The following SLCO4C1 variants were observed in gnomAD, a reference collection of about 807,000 sequenced individuals.
SLCO4C1 encodes solute carrier organic anion transporter family member 4C1.
Under a neutral mutation model 72.1 loss-of-function variants are expected in SLCO4C1, and 58 were observed. The observed-to-expected ratio is 0.80, with a 90% confidence interval of 0.65 to 1.00. The LOEUF (loss-of-function observed/expected upper bound fraction) is 1.00, where lower values mean the gene tolerates loss of function less well. Among genes scored for constraint, SLCO4C1 ranks in the 50% least tolerant of loss-of-function variants. The pLI is 0.00. For missense variants in SLCO4C1, 898 were observed against 857.9 expected, an observed-to-expected ratio of 1.05 and a Z score of -0.58; for synonymous variants, 297 against 312.5, an observed-to-expected ratio of 0.95 and a Z score of 0.52.
At position 102,270,640 on chromosome 5, in the gene SLCO4C1, CTT is replaced by C; in HGVS notation, c.784_785del (p.Lys262ValfsTer32). 1 of 1,611,036 alleles carries C rather than the reference CTT, an allele frequency of 6.2e-7. No individual in the cohort carries two copies. On this transcript the variant is annotated frameshift_variant, in exon 3 of 13. Coordinates refer to ENST00000310954, the MANE Select transcript of SLCO4C1 (RefSeq NM_180991.5). LOFTEE classifies it high-confidence loss of function. ...AFLDDSVPTH[K>X]SSLYIGTGYA... Reference sequence around the variant, plus strand: ...TAAACTTACCTATATAGAGAGAAGACTTGTGTGTGGGCACAGAATCATCAAGA... The same window carrying C: ...TAAACTTACCTATATAGAGAGAAGACGTGTGTGGGCACAGAATCATCAAGA...
At chr5:102,280,383 A>T (rs1362534197) in intron 2 of SLCO4C1, among the ~76,000 whole-genome samples, 1 of 152,036 alleles carries the variant, frequency 6.6e-6, no homozygotes, top group Non-Finnish European at 1.5e-5. Flanking sequence ...AGAAATACTT[A>T]GATGTTAATC....
At chr5:102,291,232 A>C in intron 2 of SLCO4C1, 111 bp downstream of exon 2, 8 of 1,098,084 alleles carry the variant, frequency 7.3e-6, no homozygotes, top group Non-Finnish European at 1.1e-5. Context: ...GAGGTGTGGA[A>C]GAGATGTAAA....
intron 12 of SLCO4C1, among the ~76,000 whole-genome samples, chr5:102,237,579 T>C (rs2112329849): frequency 6.6e-6 from 1 of 152,220 alleles, no homozygotes; most frequent in East Asian, 1.9e-4. Flanking sequence ...ACCACTGCAC[T>C]CCAGCCTGGG....
At chr5:102,253,075 A>C (rs1449430460) in intron 8 of SLCO4C1, among the ~76,000 whole-genome samples, 2 of 152,150 alleles carry the variant, frequency 1.3e-5, no homozygotes, top group Non-Finnish European at 2.9e-5. Context: ...TATTTCATAT[A>C]ATCAATAAAA....
At chr5:102,270,829 A>T in intron 2 of SLCO4C1, 23 bp from the exon 3 acceptor site, 1 of 1,514,668 alleles carries the variant, frequency 6.6e-7, no homozygotes, top group Non-Finnish European at 8.9e-7. Context: ...AAAAATTGTG[A>T]ATTTATAGAA....
rs140169134 is a variant in SLCO4C1, at chr5:102,254,135, C to T, written c.1469+2980G>A. Among the ~76,000 whole-genome samples, 22 of 152,228 alleles carry T rather than the reference C, an allele frequency of 1.4e-4. No individual in the cohort carries two copies. The East Asian group carries it at 4.3e-3, about 29-fold the overall frequency. On this transcript the variant is annotated intron_variant, in intron 8 of 12. Coordinates refer to ENST00000310954, the MANE Select transcript of SLCO4C1 (RefSeq NM_180991.5). ...TCTTTGCACCCCTCTACTAGAAACCCTACATCCTCAGAACCTCTTCTGTCT... is the reference window on the plus strand; with the variant it reads ...TCTTTGCACCCCTCTACTAGAAACCTTACATCCTCAGAACCTCTTCTGTCT...
chr5:102,287,393 G>A (rs879188606), intron 2 of SLCO4C1, among the ~76,000 whole-genome samples: 1 of 152,030 alleles, frequency 6.6e-6, no homozygotes, highest in Non-Finnish European at 1.5e-5. Context: ...AACTTAGTAT[G>A]AGTAATAAGC....
intron 8 of SLCO4C1, among the ~76,000 whole-genome samples, chr5:102,255,427 A>T: frequency 6.6e-6 from 1 of 152,194 alleles, no homozygotes; most frequent in East Asian, 1.9e-4. Flanking sequence ...AAAGGAACAT[A>T]CAAAAAATGT....
chr5:102,292,003 T>C (rs1287156265), intron 1 of SLCO4C1, among the ~76,000 whole-genome samples: 1 of 151,962 alleles, frequency 6.6e-6, no homozygotes, highest in Non-Finnish European at 1.5e-5. Context: ...TTGTATCTTG[T>C]TAGTAGAGAT....
Position 102,249,837 on chromosome 5 carries a change from A to G in SLCO4C1, c.1470-49T>C, listed in dbSNP as rs532951716. 1.4e-4 allele frequency: 225 copies of G among 1,583,212 alleles called. 1 individual carries two copies. The South Asian group carries it at 2.4e-3, about 17-fold the overall frequency. ...GGTAAATGATCTGTCATAACTTTTA[A>G]CTAACAATTTCGAAGCACTGTTATA... is the stretch of plus-strand genomic sequence containing the variant. On this transcript the variant is annotated intron_variant, in intron 8 of 12. Coordinates refer to ENST00000310954, the MANE Select transcript of SLCO4C1 (RefSeq NM_180991.5).
At chr5:102,246,545 T>A (rs972237408) in intron 10 of SLCO4C1, among the ~76,000 whole-genome samples, 1 of 152,074 alleles carries the variant, frequency 6.6e-6, no homozygotes, top group South Asian at 2.1e-4. Flanking sequence ...ACCTAATGGC[T>A]TCAGTGCAGA....
chr5:102,296,118 G>A lies in SLCO4C1; in HGVS notation c.145C>T (p.Leu49Phe), dbSNP rs766192019. 8 of 1,614,160 alleles carry A rather than the reference G, an allele frequency of 5.0e-6. No individual in the cohort carries two copies. The South Asian group carries it at 7.7e-5, about 16-fold the overall frequency. Residue 49 changes from leucine to phenylalanine, a missense_variant, in exon 1 of 13, where the codon CTT (leucine) becomes TTT (phenylalanine). Physicochemically the swap from Leu to Phe is conservative, Grantham distance 22. Transcript: ENST00000310954. ...TTCTGGGGCTCCTGGGGCTTCTGAA[G>A]CTCCTGTGGCTGAGAATTCTCTCTT... ...PQRENSQPQE[L>F]QKPQEPQKSP...
In SLCO4C1 at chr5:102,261,871, A is replaced by G. The variant is rs115042632; in HGVS notation, c.1021+41T>C. 1.6e-4 allele frequency: 254 copies of G among 1,565,766 alleles called. No homozygotes were observed. The African/African-American group carries it at 3.2e-3, about 20-fold the overall frequency. The stretch of plus-strand genomic sequence containing the variant: ...TATAGAAAATAGCAACTGGCCTACA[A>G]TTAAAATAAACCTCTCTGGTTTTAA... On this transcript the variant is annotated intron_variant, in intron 5 of 12. Transcript: ENST00000310954.
At chr5:102,241,897 C>T (rs552664186) in intron 10 of SLCO4C1, among the ~76,000 whole-genome samples, 31 of 152,128 alleles carry the variant, frequency 2.0e-4, no homozygotes, top group African/African-American at 7.2e-4. Flanking sequence ...GTCAGGTGAG[C>T]ACTTATAATA....
At chr5:102,275,864 A>G (rs1749237571) in intron 2 of SLCO4C1, among the ~76,000 whole-genome samples, 2 of 152,178 alleles carry the variant, frequency 1.3e-5, no homozygotes, top group Non-Finnish European at 2.9e-5. Context: ...GTGCTCTATA[A>G]ATCACTTTTG....
intron 8 of SLCO4C1, among the ~76,000 whole-genome samples, chr5:102,252,292 C>T (rs922429880): frequency 2.6e-5 from 4 of 151,554 alleles, no homozygotes; most frequent in Non-Finnish European, 4.4e-5. Flanking sequence ...ACAAAGTAGG[C>T]GGAGAACAAG....
rs1748439511 is a variant in SLCO4C1, at chr5:102,236,610, G to GC, written c.*247_*248insG. On this transcript the variant is annotated 3_prime_UTR_variant, in exon 13 of 13. Transcript: ENST00000310954. ...TGTGTGTGTGTGTGTGTGTTCGTGT[G>GC]TGTGTGTGTGTGTGTGCTCGTGTGT... 6.0e-6 allele frequency: 2 copies of GC among 332,270 alleles called. No individual in the cohort carries two copies. The allele number at this position is 332,270 out of a possible 1,614,324, so 20.6% of individuals were successfully genotyped here. A position where few individuals can be genotyped will look rare whatever the true frequency, so the allele number is the denominator to read the frequency against.
At chr5:102,261,573 T>C (rs983345230) in intron 5 of SLCO4C1, among the ~76,000 whole-genome samples, 1 of 151,740 alleles carries the variant, frequency 6.6e-6, no homozygotes, top group Non-Finnish European at 1.5e-5. Context: ...AGATTGAAAT[T>C]AATGACTAAC....
At chr5:102,253,826 A>T (rs1312898379) in intron 8 of SLCO4C1, among the ~76,000 whole-genome samples, 1 of 152,008 alleles carries the variant, frequency 6.6e-6, no homozygotes, top group East Asian at 1.9e-4. Context: ...AAGAAAAGAA[A>T]AACTATTCAG....
Sources: allele counts gnomAD v4.1 joint callset (sites outside exome capture counted in the v4.1 genomes callset), GRCh38; gene constraint gnomAD v4.1.1; transcripts MANE v1.5; gene names NCBI Gene and HGNC (gene_info 2026-07-23, HGNC 2026-07-21).